Variants in KLHL14 observed in about 807,000 individuals in gnomAD.
KLHL14 encodes the protein kelch-like protein 14.
A neutral mutation model predicts 64.3 loss-of-function variants in KLHL14; 22 were observed. That is an observed-to-expected ratio of 0.34 (90% confidence interval 0.24 to 0.49). The LOEUF is 0.49. Among genes scored for constraint, KLHL14 ranks in the 20% least tolerant of loss-of-function variants. The pLI is 0.99. For synonymous variants in KLHL14, 322 were observed against 333.4 expected (o/e 0.97, Z 0.37); for missense variants, 661 against 789.0 (o/e 0.84, Z 1.94).
chr18:32,741,099 A>T (rs941970687), intron 3 of KLHL14, among the ~76,000 whole-genome samples: 1 of 152,220 alleles, frequency 6.6e-6, no homozygotes, highest in Non-Finnish European at 1.5e-5. Context: ...ATGGATTAAA[A>T]TTGCTCATTT....
At chr18:32,758,880 G>T (rs1422125716) in intron 2 of KLHL14, among the ~76,000 whole-genome samples, 1 of 152,154 alleles carries the variant, frequency 6.6e-6, no homozygotes, top group East Asian at 1.9e-4. Flanking sequence ...GTCCAGAATA[G>T]GCAAATCTCC....
At chr18:32,734,353 C>A in intron 3 of KLHL14, 1 of 661,386 alleles carries the variant, frequency 1.5e-6, no homozygotes, top group African/African-American at 1.8e-5. Context: ...ATGGAGCCCC[C>A]ACATGCCTGG....
chr18:32,772,150 C>CG (rs754363755), intron 1 of KLHL14: 13 of 273,000 alleles, frequency 4.8e-5, no homozygotes, highest in South Asian at 7.4e-5. Context: ...CCGCCGCCGC[C>CG]CGGCTCGGAG....
rs1338765852 is a variant in KLHL14 at position 32,772,781 on chromosome 18, C to T, written c.-158G>A. 2.6e-5 allele frequency: 4 copies of T among 152,768 alleles called. No homozygotes were observed. Among genetic ancestry groups the T allele is most frequent in the Admixed American group, 2.6e-4 (4 of 15,344 alleles). The allele number at this position is 152,768 out of a possible 1,614,324, so 9.5% of individuals were successfully genotyped here. On this transcript the variant is annotated 5_prime_UTR_variant, in exon 1 of 9. Coordinates refer to ENST00000359358, the MANE Select transcript of KLHL14 (RefSeq NM_020805.3). ...GGGAGGGGGAAAACACCTTCTGGTT[C>T]CCAACTCCAGGCAGTCACTCTTTAC...
chr18:32,748,471 G>T (rs536763292), intron 2 of KLHL14, among the ~76,000 whole-genome samples: 1 of 152,120 alleles, frequency 6.6e-6, no homozygotes, highest in Non-Finnish European at 1.5e-5. Flanking sequence ...CCGGGTTCAC[G>T]CCATTCTCCT....
chr18:32,714,235 T>G (rs2050033989), intron 3 of KLHL14, among the ~76,000 whole-genome samples: 3 of 152,160 alleles, frequency 2.0e-5, no homozygotes, highest in Non-Finnish European at 4.4e-5. Context: ...ATAGAGAATG[T>G]GCCTCTGATT....
At chr18:32,736,715 T>C (rs925257702) in intron 3 of KLHL14, among the ~76,000 whole-genome samples, 2 of 152,124 alleles carry the variant, frequency 1.3e-5, no homozygotes, top group African/African-American at 4.8e-5. Context: ...CAAAAGACAC[T>C]ATACTCCCTC....
At chr18:32,716,081 A>AT (rs1297024287) in intron 3 of KLHL14, among the ~76,000 whole-genome samples, 1 of 152,224 alleles carries the variant, frequency 6.6e-6, no homozygotes, top group Non-Finnish European at 1.5e-5. Flanking sequence ...TTTAGAAGTC[A>AT]TTTTATGGGA....
intron 3 of KLHL14, among the ~76,000 whole-genome samples, 163 bp from the exon 4 acceptor site, chr18:32,695,715 T>A (rs1006973206): frequency 2.6e-5 from 4 of 151,978 alleles, no homozygotes; most frequent in Non-Finnish European, 5.9e-5. Context: ...AATCCAGGGA[T>A]CCCTATGCAG....
chr18:32,716,611 G>A (rs962995553), intron 3 of KLHL14, among the ~76,000 whole-genome samples: 1 of 152,054 alleles, frequency 6.6e-6, no homozygotes, highest in African/African-American at 2.4e-5. Context: ...TAGAGATGGG[G>A]TTTTGCCATG....
chr18:32,677,279 T>G lies in KLHL14; in HGVS notation c.1640A>C (p.Asp547Ala), dbSNP rs1371904664. The change falls in exon 8 of 9, where the codon GAC becomes GCC. Residue 547 changes from aspartate to alanine, a missense_variant. Asp to Ala is a moderately radical substitution (Grantham distance 126). This residue lies in a region of KLHL14 where 330 missense variants were observed against 450.0 expected (regional missense o/e 0.73). Coordinates refer to ENST00000359358, the MANE Select transcript of KLHL14 (RefSeq NM_020805.3). The part of the protein sequence containing the change: ...MLVECYDPKG[D>A]QWNILQTPIL... ...GGGAGTTTGGAGTATATTCCACTGG[T>G]CACCTTTTGGGTCATAGCATTCCAC... 1.9e-6 allele frequency: 3 copies of G among 1,613,620 alleles called. No individual in the cohort carries two copies. Among genetic ancestry groups the G allele is most frequent in the Non-Finnish European group, 2.5e-6 (3 of 1,179,660 alleles).
Position 32,693,409 on chromosome 18 carries a change from C to G in KLHL14, c.1159+2054G>C, listed in dbSNP as rs531465354. Among the ~76,000 whole-genome samples the G allele has an allele frequency of 4.3e-3, 498 of 116,556 alleles. 2 individuals carry two copies. The highest frequency in any genetic ancestry group is 0.017 in the African/African-American group (479 of 27,966). 76.5% of individuals were successfully genotyped at this position (116,556 alleles called of 152,430 possible). ...ACACACACACACACACACACACACA[C>G]ACACAGAGAGAGAGAGAGAGAGAGA... is the stretch of plus-strand genomic sequence containing the variant. On this transcript the variant is annotated intron_variant, in intron 4 of 8. Transcript: ENST00000359358.
chr18:32,687,167 G>T lies in KLHL14; in HGVS notation c.1226C>A (p.Pro409His), dbSNP rs1389149137. The change falls in exon 5 of 9, where the codon CCC becomes CAC. Residue 409 changes from proline to histidine, a missense_variant. Pro to His is a moderately conservative substitution (Grantham distance 77). Coordinates refer to ENST00000359358, the MANE Select transcript of KLHL14 (RefSeq NM_020805.3). Reference sequence around the variant, plus strand: ...AATAAACACTTACCTTTCCTGCATGGGTGGAAGTTGAATCCAGCTATTAAA... The same window carrying T: ...AATAAACACTTACCTTTCCTGCATGTGTGGAAGTTGAATCCAGCTATTAAA... Reference protein sequence around the residue: ...PRFNSWIQLPPMQERRASFYA... With the variant: ...PRFNSWIQLPHMQERRASFYA... 6.2e-7 allele frequency: 1 copy of T among 1,613,472 alleles called. No individual in the cohort carries two copies. The highest frequency in any genetic ancestry group is 8.5e-7 in the Non-Finnish European group (1 of 1,179,454).
In KLHL14 at chr18:32,770,673, G is replaced by T. The variant is rs1460917311; in HGVS notation, c.-43-39C>A. On this transcript the variant is annotated intron_variant, in intron 1 of 8. Coordinates refer to ENST00000359358, the MANE Select transcript of KLHL14 (RefSeq NM_020805.3). The surrounding 1 kb of genome is among the most constrained non-coding windows in gnomAD (Gnocchi z 6.7). Reference sequence around the variant, plus strand: ...GTGGGGGATGGGAGGGAGGGGAGCAGGGTGGTGGAGCGGGTGGGGTGTGGT... The same window carrying T: ...GTGGGGGATGGGAGGGAGGGGAGCATGGTGGTGGAGCGGGTGGGGTGTGGT... 2 of 1,050,698 alleles carry T rather than the reference G, an allele frequency of 1.9e-6. No homozygotes were observed. The highest frequency in any genetic ancestry group is 2.6e-6 in the Non-Finnish European group (2 of 779,876). The allele number at this position is 1,050,698 out of a possible 1,614,324, so 65.1% of individuals were successfully genotyped here.
At chr18:32,723,793 A>G (rs890449797) in intron 3 of KLHL14, among the ~76,000 whole-genome samples, 1 of 152,126 alleles carries the variant, frequency 6.6e-6, no homozygotes, top group Non-Finnish European at 1.5e-5. Context: ...CACTAGTTCT[A>G]AGATATTCTT....
At chr18:32,687,784 C>T (rs1160830206) in intron 4 of KLHL14, among the ~76,000 whole-genome samples, 3 of 152,150 alleles carry the variant, frequency 2.0e-5, no homozygotes, top group African/African-American at 4.8e-5. Flanking sequence ...AGATTTCCCA[C>T]GTGTCCCCAG....
rs532260031 is a variant in KLHL14 at position 32,747,364 on chromosome 18, C to T, written c.948-5315G>A. ...AATATATAATAAAACAATTATACAA[C>T]TCATCATAATGTAGAATCAGTGGGA... On this transcript the variant is annotated intron_variant, in intron 2 of 8. Coordinates refer to ENST00000359358, the MANE Select transcript of KLHL14 (RefSeq NM_020805.3). Among the ~76,000 whole-genome samples the T allele has an allele frequency of 2.0e-5, 3 of 152,128 alleles. No individual in the cohort carries two copies. The South Asian group carries it at 6.2e-4, about 32-fold the overall frequency.
At chr18:32,743,493 G>A (rs2050209466) in intron 2 of KLHL14, 1 of 152,190 alleles carries the variant, frequency 6.6e-6, no homozygotes, top group Admixed American at 6.5e-5. Flanking sequence ...AATACCTTCT[G>A]GAGAATTGTC....
intron 2 of KLHL14, among the ~76,000 whole-genome samples, chr18:32,751,996 G>A (rs751477858): frequency 3.2e-4 from 49 of 152,200 alleles, no homozygotes; most frequent in Admixed American, 5.2e-4. Context: ...GGGTTGTGGC[G>A]TGTGCCTGTA....
Sources: allele counts gnomAD v4.1 joint callset (sites outside exome capture counted in the v4.1 genomes callset), GRCh38; gene constraint gnomAD v4.1.1; regional missense constraint gnomAD v4.1.1; non-coding constraint Gnocchi (gnomAD v3.1); transcripts MANE v1.5; gene names NCBI Gene and HGNC (gene_info 2026-07-23, HGNC 2026-07-21).